GNAL: variants seen among roughly 807,000 people sequenced by gnomAD.
GNAL encodes guanine nucleotide-binding protein G(olf) subunit alpha.
In GNAL, 18 loss-of-function variants were observed where a neutral mutation model predicts 55.1. The ratio of observed to expected loss-of-function variants is 0.33; its 90% CI spans 0.23 to 0.48. The LOEUF (loss-of-function observed/expected upper bound fraction) is 0.48, where lower values mean the gene tolerates loss of function less well. Among genes scored for constraint, GNAL ranks in the 20% least tolerant of loss-of-function variants. The probability of loss-of-function intolerance (pLI) is 0.99; values close to 1 mark genes in which losing one functional copy is unlikely to be tolerated. For missense variants in GNAL, 412 were observed against 614.1 expected (o/e 0.67, Z 3.48); for synonymous variants, 253 against 237.0 (o/e 1.07, Z -0.62).
intron 1 of GNAL, among the ~76,000 whole-genome samples, chr18:11,691,619 T>A (rs903295442): frequency 1.3e-5 from 2 of 151,592 alleles, no homozygotes; most frequent in Non-Finnish European, 2.9e-5. Flanking sequence ...CTTTAATCCA[T>A]CTTGAATTAA....
In GNAL at chr18:11,883,607, C is replaced by CACTT. The variant is rs2036780439; in HGVS notation, c.*2474_*2477dup. 1 of 153,458 alleles carries CACTT rather than the reference C, an allele frequency of 6.5e-6. No individual in the cohort carries two copies. Among genetic ancestry groups the CACTT allele is most frequent in the Admixed American group, 6.5e-5 (1 of 15,276 alleles). The allele number at this position is 153,458 out of a possible 1,614,324, so 9.5% of individuals were successfully genotyped here. A position where few individuals can be genotyped will look rare whatever the true frequency, so the allele number is the denominator to read the frequency against. On this transcript the variant is annotated 3_prime_UTR_variant, in exon 12 of 12. Transcript: ENST00000334049. ...ACGTGGTCTCCTATAGAGAAAATTA[C>CACTT]ACTTATCTAAAAATCTGATTCCATT...
chr18:11,855,544 G>C (rs561685988), intron 5 of GNAL, among the ~76,000 whole-genome samples: 110 of 152,250 alleles, frequency 7.2e-4, no homozygotes, highest in African/African-American at 2.6e-3. Context: ...AGATGATACT[G>C]TGTGTGCTGC....
intron 5 of GNAL, among the ~76,000 whole-genome samples, chr18:11,835,437 GGCAATGTA>G (rs2035478382): frequency 1.3e-5 from 2 of 151,524 alleles, no homozygotes; most frequent in South Asian, 4.2e-4. Flanking sequence ...GGCCAGCCTA[GGCAATGTA>G]GCAAGAACCT....
At chr18:11,867,293 C>T in intron 8 of GNAL, 67 bp downstream of exon 8, 1 of 948,976 alleles carries the variant, frequency 1.1e-6, no homozygotes, top group Non-Finnish European at 1.7e-6. Context: ...CTGTGCTTAA[C>T]TATTCTTGAA....
chr18:11,818,097 G>A (rs958539108), intron 4 of GNAL, among the ~76,000 whole-genome samples: 1 of 151,934 alleles, frequency 6.6e-6, no homozygotes, highest in South Asian at 2.1e-4. Flanking sequence ...GCCGGGTGTG[G>A]TGGCTCCTGC....
At chr18:11,691,187 G>A (rs1250016563) in intron 1 of GNAL, among the ~76,000 whole-genome samples, 13 of 152,066 alleles carry the variant, frequency 8.5e-5, no homozygotes, top group African/African-American at 3.1e-4. Context: ...TTGTGGTTTT[G>A]ATTTGCATTT....
In GNAL at chr18:11,885,202, A is replaced by G. The variant is rs2037009093; in HGVS notation, c.*4067A>G. The G allele has an allele frequency of 2.4e-6, 1 of 419,672 alleles. No individual in the cohort carries two copies. Among genetic ancestry groups the G allele is most frequent in the South Asian group, 2.7e-5 (1 of 36,558 alleles). The allele number at this position is 419,672 out of a possible 1,614,324, so 26.0% of individuals were successfully genotyped here. A position where few individuals can be genotyped will look rare whatever the true frequency, so the allele number is the denominator to read the frequency against. On this transcript the variant is annotated 3_prime_UTR_variant, in exon 12 of 12. Coordinates refer to ENST00000334049, the MANE Select transcript of GNAL (RefSeq NM_182978.4). The stretch of plus-strand genomic sequence containing the variant: ...TAAAAGAACCTGTCGTACCAGCATC[A>G]TGAGCTGGATGCAGGAGCCCATGGC...
intron 2 of GNAL, among the ~76,000 whole-genome samples, chr18:11,753,370 C>T (rs1324453882): frequency 6.6e-6 from 1 of 151,896 alleles, no homozygotes; most frequent in African/African-American, 2.4e-5. Flanking sequence ...CCTAGTTTTT[C>T]TGTAACCTGC....
chr18:11,764,710 G>T (rs963817831), intron 4 of GNAL, among the ~76,000 whole-genome samples: 2 of 152,150 alleles, frequency 1.3e-5, no homozygotes, highest in African/African-American at 2.4e-5. Context: ...GGGAGGCAGA[G>T]GTCACAGTGA....
intron 5 of GNAL, among the ~76,000 whole-genome samples, chr18:11,847,045 T>G (rs565017151): frequency 6.6e-6 from 1 of 151,436 alleles, no homozygotes; most frequent in South Asian, 2.1e-4. Context: ...AATATATATA[T>G]ACATATATGT....
intron 5 of GNAL, among the ~76,000 whole-genome samples, chr18:11,832,320 A>G (rs1032376968): frequency 1.3e-5 from 2 of 152,168 alleles, no homozygotes; most frequent in Non-Finnish European, 2.9e-5. Flanking sequence ...TTCTCTAAGG[A>G]GAGACACTAT....
chr18:11,884,866 C>A lies in GNAL; in HGVS notation c.*3731C>A. ...CCAAGTGTGCCTGAGTGGAAAATGT[C>A]TGGGACACTGACCTGTCAAAACTGG... On this transcript the variant is annotated 3_prime_UTR_variant, in exon 12 of 12. Coordinates refer to ENST00000334049, the MANE Select transcript of GNAL (RefSeq NM_182978.4). 7.4e-7 allele frequency: 1 copy of A among 1,352,410 alleles called. No individual in the cohort carries two copies. Among genetic ancestry groups the A allele is most frequent in the African/African-American group, 1.5e-5 (1 of 68,162 alleles). The allele number at this position is 1,352,410 out of a possible 1,614,324, so 83.8% of individuals were successfully genotyped here. A position where few individuals can be genotyped will look rare whatever the true frequency, so the allele number is the denominator to read the frequency against.
chr18:11,700,643 G>A (rs1211487360), intron 1 of GNAL, among the ~76,000 whole-genome samples: 1 of 152,210 alleles, frequency 6.6e-6, no homozygotes, highest in Non-Finnish European at 1.5e-5. Flanking sequence ...TTTAGTGAGA[G>A]GCAGGTCAAC....
At chr18:11,836,045 G>A (rs973890394) in intron 5 of GNAL, among the ~76,000 whole-genome samples, 2 of 152,088 alleles carry the variant, frequency 1.3e-5, no homozygotes, top group Admixed American at 1.3e-4. Context: ...TACTCCAGAG[G>A]CTGAGTTGGG....
intron 1 of GNAL, among the ~76,000 whole-genome samples, chr18:11,748,613 G>A (rs1480083410): frequency 6.6e-6 from 1 of 152,010 alleles, no homozygotes; most frequent in Non-Finnish European, 1.5e-5. Context: ...TGAACAAGTG[G>A]AAATCTTTTG....
At chr18:11,760,688 G>A (rs1461414713) in intron 4 of GNAL, among the ~76,000 whole-genome samples, 1 of 152,128 alleles carries the variant, frequency 6.6e-6, no homozygotes, top group Non-Finnish European at 1.5e-5. Context: ...GGCAGGGCTG[G>A]TAAGGAGCCC....
intron 5 of GNAL, among the ~76,000 whole-genome samples, chr18:11,842,263 G>A (rs1268701245): frequency 1.3e-5 from 2 of 152,122 alleles, no homozygotes; most frequent in African/African-American, 2.4e-5. Flanking sequence ...TTACAGGCAT[G>A]AGCCACCGCG....
In GNAL at chr18:11,730,721, G is replaced by A. The variant is rs150346887; in HGVS notation, c.377-22132G>A. On this transcript the variant is annotated intron_variant, in intron 1 of 11. Transcript: ENST00000334049. ...GGAGGTTACAGTGACCTGAGATCGC[G>A]TCACTGCACCCCAGCCTGGGTAACA... Among the ~76,000 whole-genome samples, 1,388 of 152,042 alleles carry A rather than the reference G, an allele frequency of 9.1e-3. 17 individuals are homozygous for A. Among genetic ancestry groups the A allele is most frequent in the African/African-American group, 0.028 (1,165 of 41,480 alleles).
chr18:11,825,072 G>T (rs1291016998), intron 5 of GNAL, 57 bp downstream of exon 5: 1 of 871,604 alleles, frequency 1.1e-6, no homozygotes, highest in Non-Finnish European at 1.9e-6. Flanking sequence ...TTGCATGCAT[G>T]ATTATGCTGC....
Sources: gnomAD v4.1 joint callset for allele counts (sites outside exome capture counted in the v4.1 genomes callset) on GRCh38, gnomAD v4.1.1 for gene constraint, MANE v1.5 for transcripts, NCBI Gene and HGNC (gene_info 2026-07-23, HGNC 2026-07-21) for gene names.